PARP8: variants seen among roughly 807,000 people sequenced by gnomAD.
PARP8 encodes the protein protein mono-ADP-ribosyltransferase PARP8.
In PARP8, 51 loss-of-function variants were observed where a neutral mutation model predicts 124.1. The ratio of observed to expected loss-of-function variants is 0.41; its 90% CI spans 0.33 to 0.52. The LOEUF (loss-of-function observed/expected upper bound fraction) is 0.52. Among genes scored for constraint, PARP8 ranks in the 20% least tolerant of loss-of-function variants. The pLI, the probability that PARP8 is intolerant of heterozygous loss-of-function variation, is 0.21. For missense variants in PARP8, 860 were observed against 1,018.9 expected, an observed-to-expected ratio of 0.84 and a Z score of 2.12; for synonymous variants, 391 against 361.5, an observed-to-expected ratio of 1.08 and a Z score of -0.93.
Position 50,667,939 on chromosome 5 carries a change from C to A in PARP8, c.92-132C>A, listed in dbSNP as rs1340866950. ...CCTCGGACGCGGCGCAGAGGGACCT[C>A]GCCGCCCTCTAGCCCTTGCCTTCTG... On this transcript the variant is annotated intron_variant, in intron 1 of 25. Transcript: ENST00000281631. The A allele has an allele frequency of 3.2e-6, 5 of 1,558,560 alleles. No homozygotes were observed. In the Admixed American group the frequency reaches 9.3e-5, roughly 29 times the overall value.
At chr5:50,671,459 A>G (rs1750001569) in intron 2 of PARP8, among the ~76,000 whole-genome samples, 1 of 151,858 alleles carries the variant, frequency 6.6e-6, no homozygotes, top group African/African-American at 2.4e-5. Flanking sequence ...TTGTGAAAGT[A>G]TAACTCTGAG....
chr5:50,785,054 AATAATAATATG>A (rs1449471855), intron 9 of PARP8, among the ~76,000 whole-genome samples: 66 of 151,882 alleles, frequency 4.3e-4, no homozygotes, highest in Non-Finnish European at 6.3e-4. Context: ...CATTTATTTT[AATAATAATATG>A]TGTTTTAGAA....
chr5:50,802,283 T>C (rs1743310930), intron 14 of PARP8, among the ~76,000 whole-genome samples: 1 of 152,180 alleles, frequency 6.6e-6, no homozygotes, highest in Non-Finnish European at 1.5e-5. Flanking sequence ...AACATTCTAA[T>C]TTCTAAAAAT....
At chr5:50,684,575 T>C (rs1215139893) in intron 2 of PARP8, among the ~76,000 whole-genome samples, 2 of 152,088 alleles carry the variant, frequency 1.3e-5, no homozygotes, top group African/African-American at 4.8e-5. Flanking sequence ...ATAAAATGCC[T>C]AAGTCTAGTC....
rs1749361303 is a variant in PARP8 at position 50,667,004 on chromosome 5, TTTTTAACTGAATA to T, written c.-88_-76del. On this transcript the variant is annotated 5_prime_UTR_variant, in exon 1 of 26. The change abolishes the stop of an existing upstream ORF in the 5' untranslated region. Transcript: ENST00000281631. Reference sequence around the variant, plus strand: ...GCCCCTGCCTCGGCCAGAGGTTTCATTTTTAACTGAATATTTACGAAAGCTGGAAGCGTGCGAG... The same window carrying T: ...GCCCCTGCCTCGGCCAGAGGTTTCATTTTACGAAAGCTGGAAGCGTGCGAG... 1 of 1,582,552 alleles carries T rather than the reference TTTTTAACTGAATA, an allele frequency of 6.3e-7. No individual in the cohort carries two copies. Among genetic ancestry groups the T allele is most frequent in the South Asian group, 1.1e-5 (1 of 90,098 alleles).
chr5:50,796,955 C>T (rs200309081), intron 12 of PARP8, 27 bp from the exon 13 acceptor site: 36 of 1,575,170 alleles, frequency 2.3e-5, no homozygotes, highest in Non-Finnish European at 2.8e-5. Context: ...AAAAAATTAT[C>T]ATTTTTTTTT....
intron 2 of PARP8, among the ~76,000 whole-genome samples, chr5:50,694,998 G>C (rs1445872838): frequency 6.6e-6 from 1 of 152,184 alleles, no homozygotes; most frequent in African/African-American, 2.4e-5. Context: ...AGTCGGCTTT[G>C]TTCTAGCCGT....
At chr5:50,804,078 A>T (rs973949326) in intron 14 of PARP8, among the ~76,000 whole-genome samples, 1 of 152,168 alleles carries the variant, frequency 6.6e-6, no homozygotes, top group Non-Finnish European at 1.5e-5. Flanking sequence ...CTGGATTTCC[A>T]GAAATATATG....
intron 2 of PARP8, among the ~76,000 whole-genome samples, chr5:50,678,716 C>T (rs1413610422): frequency 6.6e-6 from 1 of 152,144 alleles, no homozygotes; most frequent in African/African-American, 2.4e-5. Flanking sequence ...GCTGAGAGCT[C>T]ATTCTCCAGG....
chr5:50,754,094 G>A (rs1759556509), intron 3 of PARP8, among the ~76,000 whole-genome samples: 1 of 114,144 alleles, frequency 8.8e-6, no homozygotes, highest in Admixed American at 9.5e-5. Context: ...TTCCAGTGAA[G>A]GAATTTGAGT....
At chr5:50,797,993 A>G (rs1742749215) in intron 14 of PARP8, among the ~76,000 whole-genome samples, 1 of 152,164 alleles carries the variant, frequency 6.6e-6, no homozygotes. Context: ...TCCCCTGGCA[A>G]TTATGAAACT....
At chr5:50,726,106 C>T (rs1756398648) in intron 2 of PARP8, among the ~76,000 whole-genome samples, 3 of 151,948 alleles carry the variant, frequency 2.0e-5, no homozygotes, top group African/African-American at 7.3e-5. Flanking sequence ...CGTCCTCCTC[C>T]CTACTTATTT....
intron 25 of PARP8, 119 bp downstream of exon 25, chr5:50,835,134 T>C: frequency 1.4e-6 from 1 of 701,870 alleles, no homozygotes; most frequent in South Asian, 1.8e-5. Flanking sequence ...GAGTTTAACA[T>C]CAACTAATGT....
chr5:50,733,746 CT>C (rs908162046), intron 2 of PARP8, among the ~76,000 whole-genome samples: 66 of 151,476 alleles, frequency 4.4e-4, no homozygotes, highest in Non-Finnish European at 6.6e-4. Flanking sequence ...CATATTCAAA[CT>C]TTTTTTTTGT....
At chr5:50,683,734 C>A (rs1425538970) in intron 2 of PARP8, among the ~76,000 whole-genome samples, 10 of 151,940 alleles carry the variant, frequency 6.6e-5, no homozygotes, top group Admixed American at 2.6e-4. Context: ...AGTTTTTTAA[C>A]CAAGAATAAA....
chr5:50,689,257 C>T (rs1752236361), intron 2 of PARP8, among the ~76,000 whole-genome samples: 1 of 152,146 alleles, frequency 6.6e-6, no homozygotes, highest in Non-Finnish European at 1.5e-5. Context: ...CTTTGATTTT[C>T]TTGGCCAACA....
At chr5:50,694,857 C>A (rs747111935) in intron 2 of PARP8, among the ~76,000 whole-genome samples, 1 of 152,170 alleles carries the variant, frequency 6.6e-6, no homozygotes, top group Non-Finnish European at 1.5e-5. Flanking sequence ...AGCCTGAGAG[C>A]CCCTAGCATA....
In PARP8 at chr5:50,694,312, G is replaced by C. The variant is rs749981043; in HGVS notation, c.146+26187G>C. On this transcript the variant is annotated intron_variant, in intron 2 of 25. Transcript: ENST00000281631. The stretch of plus-strand genomic sequence containing the variant: ...ATATTAGAATTCTTTTTAATTCCTT[G>C]TCAGTTCCATAGTCACAAAGTTGAA... 5.9e-5 allele frequency among the ~76,000 whole-genome samples: 9 copies of C among 152,192 alleles called. 1 individual carries two copies. In the South Asian group the frequency reaches 8.3e-4, roughly 14 times the overall value.
intron 2 of PARP8, among the ~76,000 whole-genome samples, chr5:50,678,621 C>T (rs1413478382): frequency 6.6e-6 from 1 of 152,140 alleles, no homozygotes; most frequent in Admixed American, 6.5e-5. Flanking sequence ...CGCTTGTTAA[C>T]ATAAACTATC....
Sources: gnomAD v4.1 joint callset for allele counts (sites outside exome capture counted in the v4.1 genomes callset) on GRCh38, gnomAD v4.1.1 for gene constraint, MANE v1.5 for transcripts, NCBI Gene and HGNC (gene_info 2026-07-23, HGNC 2026-07-21) for gene names.